The following CAMSAP1 variants were observed in gnomAD, a reference collection of about 807,000 sequenced individuals.
CAMSAP1 encodes the protein calmodulin-regulated spectrin-associated protein 1.
Under a neutral mutation model 143.5 loss-of-function variants are expected in CAMSAP1, and 58 were observed. The observed-to-expected ratio is 0.40, with a 90% CI of 0.33 to 0.50. The LOEUF (loss-of-function observed/expected upper bound fraction) is 0.50. Ranked by LOEUF, CAMSAP1 falls within the 20% of genes least tolerant of loss-of-function variation. The pLI is 0.45. For missense variants in CAMSAP1, 1,969 were observed against 2,115.7 expected, an observed-to-expected ratio of 0.93 and a Z score of 1.36; for synonymous variants, 945 against 859.3, an observed-to-expected ratio of 1.10 and a Z score of -1.74.
At chr9:135,851,299 C>G (rs1041608998) in intron 5 of CAMSAP1, among the ~76,000 whole-genome samples, 1 of 152,098 alleles carries the variant, frequency 6.6e-6, no homozygotes, top group Admixed American at 6.6e-5. Context: ...AGGAAAAAAC[C>G]ATTTTCAAGG....
In CAMSAP1 at chr9:135,850,386, T is replaced by C. The variant is rs767088236; in HGVS notation, c.884A>G (p.Glu295Gly). 1.2e-6 allele frequency: 2 copies of C among 1,611,898 alleles called. No homozygotes were observed. The highest frequency in any genetic ancestry group is 8.5e-7 in the Non-Finnish European group (1 of 1,179,338). ...GAGATAAAAACATTTATTAAGATAT[T>C]CATTGGAGAATTCTCTCAGAAGCCG... is the stretch of plus-strand genomic sequence containing the variant. ...NIRLLREFSN[E>G]YLNKCFYLTL... The change falls in exon 6 of 17, where the codon GAA becomes GGA. Residue 295 changes from glutamate (E) to glycine (G), a missense_variant. By Grantham distance (98) the Glu-to-Gly change is moderately conservative. Transcript: ENST00000389532.
intron 5 of CAMSAP1, among the ~76,000 whole-genome samples, chr9:135,858,173 A>C (rs1306343529): frequency 1.4e-5 from 2 of 138,124 alleles, no homozygotes; most frequent in Admixed American, 7.5e-5. Context: ...TTTTTTAATT[A>C]CTTCTCCATT....
intron 1 of CAMSAP1, among the ~76,000 whole-genome samples, chr9:135,889,981 G>A (rs1308041888): frequency 6.6e-6 from 1 of 152,118 alleles, no homozygotes; most frequent in Non-Finnish European, 1.5e-5. Flanking sequence ...AAACTGCACA[G>A]CCTGAGCCTG....
chr9:135,808,865 TCATCATA>T lies in CAMSAP1; in HGVS notation c.*2437_*2443del, dbSNP rs1399852093. The T allele has an allele frequency of 6.6e-6, 1 of 152,224 alleles. No individual in the cohort carries two copies. Among genetic ancestry groups the T allele is most frequent in the Non-Finnish European group, 1.5e-5 (1 of 68,048 alleles). The allele number at this position is 152,224 out of a possible 1,614,324, so 9.4% of individuals were successfully genotyped here. On this transcript the variant is annotated 3_prime_UTR_variant, in exon 17 of 17. Transcript: ENST00000389532. The stretch of plus-strand genomic sequence containing the variant: ...ATTACCAAGGATTTACACATAAACT[TCATCATA>T]CATTGAATCATTTGGTTTACACTTT...
rs1447463707 is a variant in CAMSAP1 at position 135,808,940 on chromosome 9, A to G, written c.*2369T>C. ...CTAAATGGGTAGAGCAGCTTGTCTT[A>G]AATAACAAGGTTAGAATTCTGAGAC... is the stretch of plus-strand genomic sequence containing the variant. On this transcript the variant is annotated 3_prime_UTR_variant, in exon 17 of 17. Coordinates refer to ENST00000389532, the MANE Select transcript of CAMSAP1 (RefSeq NM_015447.4). 6.6e-6 allele frequency: 1 copy of G among 152,238 alleles called. No individual in the cohort carries two copies. The highest frequency in any genetic ancestry group is 1.5e-5 in the Non-Finnish European group (1 of 68,050). The allele number at this position is 152,238 out of a possible 1,614,324, so 9.4% of individuals were successfully genotyped here. A position where few individuals can be genotyped will look rare whatever the true frequency, so the allele number is the denominator to read the frequency against.
At chr9:135,847,413 G>A (rs142108214) in intron 7 of CAMSAP1, among the ~76,000 whole-genome samples, 2,924 of 151,918 alleles carry the variant, frequency 0.019, 94 homozygotes, top group African/African-American at 0.064. Context: ...ACATGCACAC[G>A]TATGTTTACT....
intron 7 of CAMSAP1, among the ~76,000 whole-genome samples, chr9:135,829,420 G>A (rs947375930): frequency 2.6e-5 from 4 of 152,290 alleles, no homozygotes; most frequent in African/African-American, 9.6e-5. Context: ...GGGAGGCTGA[G>A]GTAGGAGGAT....
intron 8 of CAMSAP1, among the ~76,000 whole-genome samples, chr9:135,825,742 C>T (rs947693414): frequency 1.3e-5 from 2 of 151,778 alleles, no homozygotes; most frequent in Non-Finnish European, 2.9e-5. Context: ...AGGGATAATT[C>T]GCCAGGTGCA....
chr9:135,862,828 G>GTAA (rs887061161), intron 4 of CAMSAP1, among the ~76,000 whole-genome samples: 3 of 152,112 alleles, frequency 2.0e-5, no homozygotes, highest in African/African-American at 7.2e-5. Context: ...GCTACACTGG[G>GTAA]TAACAGCAAC....
In CAMSAP1 at chr9:135,907,136, G is replaced by C. The variant is rs1205970355; in HGVS notation, c.24C>G (p.Ala8=). 3.6e-6 allele frequency: 4 copies of C among 1,116,426 alleles called. No individual in the cohort carries two copies. The highest frequency in any genetic ancestry group is 4.4e-6 in the Non-Finnish European group (4 of 911,620). 69.2% of individuals were successfully genotyped at this position (1,116,426 alleles called of 1,614,324 possible). A position where few individuals can be genotyped will look rare whatever the true frequency, so the allele number is the denominator to read the frequency against. ...CCATCTTCCTCCAGCCCTCGGCGGCGGCGCGGCCGCTCGCGTCCACCATCT... is the reference window on the plus strand; with the variant it reads ...CCATCTTCCTCCAGCCCTCGGCGGCCGCGCGGCCGCTCGCGTCCACCATCT... MVDASGR[A]AAEGWRKMEA... is the part of the protein sequence containing the mutation. The change falls in exon 1 of 17, where the codon GCC becomes GCG. Residue 8 remains alanine, a synonymous_variant. Transcript: ENST00000389532.
At position 135,818,859 on chromosome 9, in the gene CAMSAP1, G is replaced by A; in HGVS notation, c.3959+151C>T. On this transcript the variant is annotated intron_variant, in intron 12 of 16. Coordinates refer to ENST00000389532, the MANE Select transcript of CAMSAP1 (RefSeq NM_015447.4). The surrounding 1 kb of genome is among the most constrained non-coding windows in gnomAD (Gnocchi z 7.7). ...CTCACTGAAGATCAGCAGGGGCCGT[G>A]AAAGTTCGGGGAGGTGGTCCATGGG... is the stretch of plus-strand genomic sequence containing the variant. The A allele has an allele frequency of 1.5e-6, 2 of 1,323,008 alleles. No homozygotes were observed. Among genetic ancestry groups the A allele is most frequent in the South Asian group, 2.9e-5 (2 of 69,672 alleles). 82.0% of individuals were successfully genotyped at this position (1,323,008 alleles called of 1,614,324 possible).
At chr9:135,863,324 A>G (rs1314775085) in intron 4 of CAMSAP1, among the ~76,000 whole-genome samples, 1 of 152,202 alleles carries the variant, frequency 6.6e-6, no homozygotes, top group Non-Finnish European at 1.5e-5. Flanking sequence ...AGCGAACAAG[A>G]GCACAGACAC....
chr9:135,836,065 T>TA, intron 7 of CAMSAP1: 1 of 971,294 alleles, frequency 1.0e-6, no homozygotes, highest in Non-Finnish European at 1.2e-6. Context: ...GAGCTTCTCT[T>TA]ATCCGACCAG....
At chr9:135,865,054 T>C (rs1837326896) in intron 4 of CAMSAP1, among the ~76,000 whole-genome samples, 1 of 152,148 alleles carries the variant, frequency 6.6e-6, no homozygotes, top group African/African-American at 2.4e-5. Context: ...TCTGTATCTA[T>C]CACAAAAATG....
intron 14 of CAMSAP1, 126 bp from the exon 15 acceptor site, chr9:135,816,131 G>A (rs1330117041): frequency 2.3e-5 from 18 of 782,074 alleles, no homozygotes; most frequent in South Asian, 1.1e-4. Flanking sequence ...TTTCGGTGAC[G>A]GTGGGGGCTC....
At chr9:135,849,918 T>A (rs572582745) in intron 7 of CAMSAP1, 2 of 425,420 alleles carry the variant, frequency 4.7e-6, no homozygotes, top group Non-Finnish European at 8.3e-6. Flanking sequence ...ACTTTTAGAG[T>A]TGTGCAATTT....
rs1815960686 is a variant in CAMSAP1 at position 135,888,608 on chromosome 9, C to T, written c.161-5530G>A. ...GAGACCAGCTCTCCCAGAATGTCCC[C>T]GTGGGCGGCCTGGCTATCTGCATTT... On this transcript the variant is annotated intron_variant, in intron 1 of 16. Transcript: ENST00000389532. Among the ~76,000 whole-genome samples the T allele has an allele frequency of 2.0e-5, 3 of 152,194 alleles. No individual in the cohort carries two copies. In the South Asian group the frequency reaches 6.2e-4, roughly 31 times the overall value.
intron 3 of CAMSAP1, among the ~76,000 whole-genome samples, chr9:135,867,473 C>A (rs1306670681): frequency 1.4e-5 from 2 of 144,872 alleles, no homozygotes; most frequent in South Asian, 2.2e-4. Context: ...AGCAAGACCC[C>A]CCTCTTTTTT....
intron 5 of CAMSAP1, among the ~76,000 whole-genome samples, chr9:135,858,072 G>A (rs1837041159): frequency 6.6e-6 from 1 of 151,766 alleles, no homozygotes. Flanking sequence ...AGCATCCTTG[G>A]TGCTCCGTTC....
Sources: gnomAD v4.1 joint callset for allele counts (sites outside exome capture counted in the v4.1 genomes callset) on GRCh38, gnomAD v4.1.1 for gene constraint, Gnocchi (gnomAD v3.1) non-coding constraint, MANE v1.5 for transcripts, NCBI Gene and HGNC (gene_info 2026-07-23, HGNC 2026-07-21) for gene names.